The following CDH20 variants were observed in gnomAD, a reference collection of about 807,000 sequenced individuals.
The protein encoded by CDH20 is cadherin-20.
In CDH20, 29 loss-of-function variants were observed where a neutral mutation model predicts 74.2. The ratio of observed to expected loss-of-function variants is 0.39; its 90% confidence interval spans 0.29 to 0.53. The LOEUF (loss-of-function observed/expected upper bound fraction) is 0.53. Ranked by LOEUF, CDH20 falls within the 20% of genes least tolerant of loss-of-function variation. CDH20 has a pLI of 0.69. For missense variants in CDH20, 988 were observed against 1,048.3 expected (o/e 0.94, Z 0.79); for synonymous variants, 469 against 405.4 (o/e 1.16, Z -1.88).
chr18:61,433,677 T>C (rs1908730843), intron 1 of CDH20, among the ~76,000 whole-genome samples: 1 of 152,186 alleles, frequency 6.6e-6, no homozygotes, highest in African/African-American at 2.4e-5. Flanking sequence ...CTAAGCTGAA[T>C]ATAGTATTGA....
intron 1 of CDH20, among the ~76,000 whole-genome samples, chr18:61,348,241 C>T (rs2144106639): frequency 6.6e-6 from 1 of 152,282 alleles, no homozygotes; most frequent in South Asian, 2.1e-4. Flanking sequence ...ATTCCCACAC[C>T]TTGAGGAAAC....
chr18:61,442,004 C>A (rs1001945209), intron 1 of CDH20, among the ~76,000 whole-genome samples: 1 of 152,084 alleles, frequency 6.6e-6, no homozygotes, highest in Non-Finnish European at 1.5e-5. Context: ...TCTCTCAGTT[C>A]AGGACCCACA....
chr18:61,347,323 C>CATATATATATATATATATAT (rs1568104164), intron 1 of CDH20, among the ~76,000 whole-genome samples: 5 of 68,336 alleles, frequency 7.3e-5, no homozygotes, highest in African/African-American at 3.3e-4. Flanking sequence ...TATATATACA[C>CATATATATATATATATATAT]ACACACACAC....
chr18:61,507,412 G>T lies in CDH20; in HGVS notation c.869G>T (p.Ser290Ile). Residue 290 changes from serine to isoleucine, a missense_variant, in exon 6 of 12, where the codon AGC becomes ATC. Transcript: ENST00000262717. ...AGTGTGTTGGAATCAGCTCCAATTAGCTCCACTGTCGGGAGAGTGTTTGCC... is the reference window on the plus strand; with the variant it reads ...AGTGTGTTGGAATCAGCTCCAATTATCTCCACTGTCGGGAGAGTGTTTGCC... The part of the protein sequence containing the change: ...QMSVLESAPI[S>I]STVGRVFAKD... The T allele has an allele frequency of 6.2e-7, 1 of 1,614,062 alleles. No homozygotes were observed. The highest frequency in any genetic ancestry group is 2.2e-5 in the East Asian group (1 of 44,884).
chr18:61,476,694 T>A (rs1910401865), intron 1 of CDH20, among the ~76,000 whole-genome samples: 1 of 152,142 alleles, frequency 6.6e-6, no homozygotes, highest in African/African-American at 2.4e-5. Flanking sequence ...ACTAGGCTGG[T>A]TTCTGATGCA....
intron 6 of CDH20, among the ~76,000 whole-genome samples, chr18:61,508,349 A>G (rs1911653877): frequency 6.6e-6 from 1 of 152,232 alleles, no homozygotes; most frequent in Non-Finnish European, 1.5e-5. Context: ...CATTCTAGCA[A>G]GGGAAGAAGA....
At chr18:61,357,710 G>C (rs927052000) in intron 1 of CDH20, among the ~76,000 whole-genome samples, 2 of 152,082 alleles carry the variant, frequency 1.3e-5, no homozygotes, top group African/African-American at 2.4e-5. Flanking sequence ...ATGTTGCAAG[G>C]CTGTTGAAAC....
At chr18:61,342,741 T>G (rs1000994609) in intron 1 of CDH20, among the ~76,000 whole-genome samples, 6 of 152,212 alleles carry the variant, frequency 3.9e-5, no homozygotes, top group Non-Finnish European at 8.8e-5. Context: ...TTCCTTATTA[T>G]AGTATACATT....
intron 1 of CDH20, among the ~76,000 whole-genome samples, chr18:61,345,986 C>T (rs138183220): frequency 7.9e-4 from 121 of 152,304 alleles, no homozygotes; most frequent in African/African-American, 2.8e-3. Context: ...CTGCCAGTAC[C>T]TGGGCCCTGG....
intron 1 of CDH20, among the ~76,000 whole-genome samples, chr18:61,350,670 G>A (rs1910274199): frequency 1.3e-5 from 2 of 152,230 alleles, no homozygotes; most frequent in South Asian, 4.1e-4. Context: ...CACCATAGTC[G>A]TCTATTTCTT....
chr18:61,367,746 A>G (rs1052493476), intron 1 of CDH20, among the ~76,000 whole-genome samples: 3 of 152,178 alleles, frequency 2.0e-5, no homozygotes, highest in African/African-American at 7.2e-5. Context: ...CTTAAACAAC[A>G]GAAATATATT....
In CDH20 at chr18:61,478,618, T is replaced by G. The variant is rs1910477592; in HGVS notation, c.-152-11784T>G. ...ACCCACATGTTGTAATTGTTCCCAT[T>G]TAACTATTCAGTGCATGAGGAGTAA... is the stretch of plus-strand genomic sequence containing the variant. On this transcript the variant is annotated intron_variant, in intron 1 of 11. Transcript: ENST00000262717. Among the ~76,000 whole-genome samples, 3 of 152,322 alleles carry G rather than the reference T, an allele frequency of 2.0e-5. No homozygotes were observed. In the South Asian group the frequency reaches 6.2e-4, roughly 32 times the overall value.
intron 1 of CDH20, among the ~76,000 whole-genome samples, chr18:61,383,895 G>A (rs1911514910): frequency 1.3e-5 from 2 of 152,130 alleles, no homozygotes; most frequent in Admixed American, 6.6e-5. Context: ...AGTAGTAGGG[G>A]AAGAACGGGA....
intron 1 of CDH20, among the ~76,000 whole-genome samples, chr18:61,422,963 G>T (rs983850763): frequency 6.6e-6 from 1 of 152,086 alleles, no homozygotes; most frequent in Non-Finnish European, 1.5e-5. Context: ...CACAGAGAGC[G>T]CAATTGTTAT....
At chr18:61,442,904 C>A (rs539210390) in intron 1 of CDH20, among the ~76,000 whole-genome samples, 1 of 39,018 alleles carries the variant, frequency 2.6e-5, no homozygotes, top group Non-Finnish European at 5.6e-5. Context: ...TCTAATTCCC[C>A]GGGATCCTGA....
intron 1 of CDH20, among the ~76,000 whole-genome samples, chr18:61,481,297 T>A (rs1244995875): frequency 6.6e-6 from 1 of 152,218 alleles, no homozygotes; most frequent in Admixed American, 6.5e-5. Context: ...TAAAAATACA[T>A]ATATATTTTC....
intron 1 of CDH20, among the ~76,000 whole-genome samples, chr18:61,357,066 A>G (rs1235222854): frequency 6.6e-6 from 1 of 152,194 alleles, no homozygotes; most frequent in Non-Finnish European, 1.5e-5. Flanking sequence ...AACAAATGGA[A>G]GGGACAACAA....
chr18:61,411,848 A>G (rs1912521285), intron 1 of CDH20, among the ~76,000 whole-genome samples: 1 of 152,036 alleles, frequency 6.6e-6, no homozygotes, highest in African/African-American at 2.4e-5. Context: ...TTGGGTGGAG[A>G]GGGAAGTTGT....
intron 1 of CDH20, among the ~76,000 whole-genome samples, chr18:61,488,533 A>G (rs1199782884): frequency 2.0e-5 from 3 of 152,172 alleles, no homozygotes; most frequent in African/African-American, 7.2e-5. Context: ...GGCCCTGCTT[A>G]ATAGATGAGG....
Sources: allele counts gnomAD v4.1 joint callset (sites outside exome capture counted in the v4.1 genomes callset), GRCh38; gene constraint gnomAD v4.1.1; transcripts MANE v1.5; gene names NCBI Gene and HGNC (gene_info 2026-07-23, HGNC 2026-07-21).